Variants in SNED1 observed in about 807,000 individuals in gnomAD.
The protein encoded by SNED1 is sushi, nidogen and EGF like domains 1, also known as sushi, nidogen and EGF-like domain-containing protein 1.
A neutral mutation model predicts 166.7 loss-of-function variants in SNED1; 81 were observed. The ratio of observed to expected loss-of-function variants is 0.49; its 90% confidence interval spans 0.41 to 0.58. SNED1 has a LOEUF of 0.58. Among genes scored for constraint, SNED1 ranks in the 20% least tolerant of loss-of-function variants. The pLI, the probability that SNED1 is intolerant of heterozygous loss-of-function variation, is 0.00. For missense variants in SNED1, 1,604 were observed against 2,000.2 expected (o/e 0.80, Z 3.78); for synonymous variants, 762 against 822.0 (o/e 0.93, Z 1.25).
chr2:241,047,681 A>G (rs762856866), intron 8 of SNED1, among the ~76,000 whole-genome samples: 2 of 152,266 alleles, frequency 1.3e-5, no homozygotes, highest in Non-Finnish European at 2.9e-5. Context: ...CTGACCAGAA[A>G]CGTTTGGAGG....
rs367859288 is a variant in SNED1, at chr2:241,050,975, T to C, written c.1736-769T>C. Among the ~76,000 whole-genome samples, 70 of 152,264 alleles carry C rather than the reference T, an allele frequency of 4.6e-4. No individual in the cohort carries two copies. In the East Asian group the frequency reaches 0.013, roughly 29 times the overall value. On this transcript the variant is annotated intron_variant, in intron 12 of 31. Coordinates refer to ENST00000310397, the MANE Select transcript of SNED1 (RefSeq NM_001080437.3). The stretch of plus-strand genomic sequence containing the variant: ...CTTCCGTGAGCACACAGGCCACCAA[T>C]GTGGACACCTCTGACCCCGGAGGGA...
Position 241,061,856 on chromosome 2 carries a change from A to C in SNED1, c.2258-935A>C, listed in dbSNP as rs1043926154. On this transcript the variant is annotated intron_variant, in intron 16 of 31. Transcript: ENST00000310397. The stretch of plus-strand genomic sequence containing the variant: ...CAACGAGCGAAACTCCATCCCCCCA[A>C]AAAAAAAAAAAGAAAAAAAGAAAAC... Among the ~76,000 whole-genome samples, 9 of 146,920 alleles carry C rather than the reference A, an allele frequency of 6.1e-5. 1 individual carries two copies. The highest frequency in any genetic ancestry group is 7.6e-5 in the Non-Finnish European group (5 of 65,930).
chr2:241,033,307 A>C (rs1205551715), intron 2 of SNED1, among the ~76,000 whole-genome samples: 3 of 152,190 alleles, frequency 2.0e-5, no homozygotes, highest in Non-Finnish European at 4.4e-5. Context: ...TTGCAGTAGA[A>C]TTCTGTGAAA....
At chr2:241,003,259 G>A (rs1304957264) in intron 1 of SNED1, among the ~76,000 whole-genome samples, 1 of 152,164 alleles carries the variant, frequency 6.6e-6, no homozygotes, top group Non-Finnish European at 1.5e-5. Context: ...TGAAGGCAGG[G>A]ACCACATCCA....
chr2:241,046,449 T>C (rs988672136), intron 8 of SNED1, among the ~76,000 whole-genome samples: 3 of 152,226 alleles, frequency 2.0e-5, no homozygotes, highest in Non-Finnish European at 4.4e-5. Flanking sequence ...AACCTCTGTA[T>C]GGTGGAATAC....
chr2:241,087,965 A>G, intron 30 of SNED1: 1 of 402,250 alleles, frequency 2.5e-6, no homozygotes, highest in Admixed American at 4.2e-5. Flanking sequence ...GTCCTCATAG[A>G]CCAATGAGTA....
intron 26 of SNED1, chr2:241,072,578 A>G: frequency 3.7e-6 from 1 of 266,908 alleles, no homozygotes; most frequent in Non-Finnish European, 7.2e-6. Context: ...AAAACTCCTC[A>G]GGCAGAGGAG....
Position 241,087,530 on chromosome 2 carries a change from G to A in SNED1, c.4205+55G>A, listed in dbSNP as rs1559316827. 9 of 1,549,902 alleles carry A rather than the reference G, an allele frequency of 5.8e-6. No homozygotes were observed. The Admixed American group carries it at 7.9e-5, about 14-fold the overall frequency. On this transcript the variant is annotated intron_variant, in intron 30 of 31. Transcript: ENST00000310397. ...TCCTGCATGTAGCCCACAGGGTGATGGGGCAAGGGCGGGGTGCTATGGGAT... is the reference window on the plus strand; with the variant it reads ...TCCTGCATGTAGCCCACAGGGTGATAGGGCAAGGGCGGGGTGCTATGGGAT...
Position 241,082,358 on chromosome 2 carries a change from A to G in SNED1, c.4115A>G (p.His1372Arg), listed in dbSNP as rs2125307170. Residue 1372 changes from histidine (H) to arginine (R), a missense_variant, in exon 29 of 32, where the codon CAC (histidine) becomes CGC (arginine). This residue lies in a region of SNED1 where 367 missense variants were observed against 379.4 expected (regional missense o/e 0.97). Coordinates refer to ENST00000310397, the MANE Select transcript of SNED1 (RefSeq NM_001080437.3). ...AFPVWEGGVC[H>R]HVYKRVYRVH... ...CCAGTCTGGGAGGGAGGCGTCTGTCACCACGTGTAAGTTGGTTTCTGTCCT... is the reference window on the plus strand; with the variant it reads ...CCAGTCTGGGAGGGAGGCGTCTGTCGCCACGTGTAAGTTGGTTTCTGTCCT... 6.2e-7 allele frequency: 1 copy of G among 1,612,694 alleles called. No individual in the cohort carries two copies. The highest frequency in any genetic ancestry group is 2.2e-5 in the East Asian group (1 of 44,850).
intron 1 of SNED1, chr2:241,015,663 C>T (rs529578838): frequency 8.8e-4 from 146 of 166,426 alleles, no homozygotes; most frequent in Non-Finnish European, 1.1e-3. Flanking sequence ...CTGTGCTGGC[C>T]GAGGCCTCCC....
At position 241,093,146 on chromosome 2, in the gene SNED1, G is replaced by A. The variant is rs926074428; in HGVS notation, c.*1510G>A. On this transcript the variant is annotated 3_prime_UTR_variant, in exon 32 of 32. Coordinates refer to ENST00000310397, the MANE Select transcript of SNED1 (RefSeq NM_001080437.3). The stretch of plus-strand genomic sequence containing the variant: ...TTCGCGAAGTTTCACCTGTACTCCC[G>A]AGCTGTTCCCCAGGCTCCAGACCCA... The A allele has an allele frequency of 6.6e-6, 1 of 152,534 alleles. No homozygotes were observed. The highest frequency in any genetic ancestry group is 1.5e-5 in the Non-Finnish European group (1 of 68,042). The allele number at this position is 152,534 out of a possible 1,614,324, so 9.4% of individuals were successfully genotyped here.
At chr2:241,072,119 G>C in intron 26 of SNED1, 1 of 698,110 alleles carries the variant, frequency 1.4e-6, no homozygotes. Context: ...TGGAGGCGCA[G>C]GCTGCTGGTA....
At chr2:241,034,434 G>C in intron 3 of SNED1, 134 bp from the exon 4 acceptor site, 1 of 813,824 alleles carries the variant, frequency 1.2e-6, no homozygotes, top group Non-Finnish European at 1.9e-6. Flanking sequence ...TGGCTCCCAG[G>C]AACGGTTGGC....
At chr2:241,026,249 C>T (rs1197823757) in intron 1 of SNED1, among the ~76,000 whole-genome samples, 3 of 152,104 alleles carry the variant, frequency 2.0e-5, no homozygotes, top group Non-Finnish European at 4.4e-5. Flanking sequence ...AACCCCTGAC[C>T]TCATGATCCA....
Position 241,073,306 on chromosome 2 carries a change from C to A in SNED1, c.3858C>A (p.Ala1286=). The part of the protein sequence containing the change: ...ASAQLENMEE[A]PKRVSLALQL... ...CGCAGCTCGAGAACATGGAGGAAGC[C>A]CCCAAGCGGGTCAGCCTGGCCCTCC... Residue 1286 remains alanine, a synonymous_variant, in exon 27 of 32, where the codon GCC becomes GCA. Coordinates refer to ENST00000310397, the MANE Select transcript of SNED1 (RefSeq NM_001080437.3). The surrounding 1 kb of genome is among the most constrained non-coding windows in gnomAD (Gnocchi z 6.6). 6.4e-7 allele frequency: 1 copy of A among 1,572,164 alleles called. No homozygotes were observed. Among genetic ancestry groups the A allele is most frequent in the East Asian group, 2.4e-5 (1 of 42,320 alleles).
rs2063347440 is a variant in SNED1 at position 241,081,928 on chromosome 2, G to C, written c.4033+135G>C. On this transcript the variant is annotated intron_variant, in intron 28 of 31. Coordinates refer to ENST00000310397, the MANE Select transcript of SNED1 (RefSeq NM_001080437.3). ...GCCAGACAGGGAGTCTGGTGCACGG[G>C]GCTGACCCCTGAGCCCCCAGGGGCT... 4 of 693,500 alleles carry C rather than the reference G, an allele frequency of 5.8e-6. No homozygotes were observed. The Admixed American group carries it at 7.1e-5, about 12-fold the overall frequency. 43.0% of individuals were successfully genotyped at this position (693,500 alleles called of 1,614,324 possible). A position where few individuals can be genotyped will look rare whatever the true frequency, so the allele number is the denominator to read the frequency against.
Position 241,073,600 on chromosome 2 carries a change from C to T in SNED1, c.3916+236C>T. 3.4e-6 allele frequency: 2 copies of T among 586,474 alleles called. No homozygotes were observed. The highest frequency in any genetic ancestry group is 6.1e-6 in the Non-Finnish European group (2 of 326,900). 36.3% of individuals were successfully genotyped at this position (586,474 alleles called of 1,614,324 possible). Reference sequence around the variant, plus strand: ...GGGGGCAGGACCCACCCAAACCACCCAGAGTCTGAGCTAGAGAGACTGGCT... The same window carrying T: ...GGGGGCAGGACCCACCCAAACCACCTAGAGTCTGAGCTAGAGAGACTGGCT... On this transcript the variant is annotated intron_variant, in intron 27 of 31. Coordinates refer to ENST00000310397, the MANE Select transcript of SNED1 (RefSeq NM_001080437.3). The surrounding 1 kb of genome is among the most constrained non-coding windows in gnomAD (Gnocchi z 6.6).
intron 4 of SNED1, 81 bp downstream of exon 4, chr2:241,034,811 G>A (rs1410706211): frequency 7.1e-6 from 10 of 1,413,724 alleles, no homozygotes; most frequent in African/African-American, 2.9e-5. Context: ...GAGACGAAGG[G>A]GGCTGGATGC....
At chr2:241,072,236 G>A (rs1375077567) in intron 26 of SNED1, 4 of 487,536 alleles carry the variant, frequency 8.2e-6, no homozygotes, top group Non-Finnish European at 1.6e-5. Context: ...CCATGGGCAG[G>A]AGGCCATGAG....
Sources: allele counts gnomAD v4.1 joint callset (sites outside exome capture counted in the v4.1 genomes callset), GRCh38; gene constraint gnomAD v4.1.1; regional missense constraint gnomAD v4.1.1; non-coding constraint Gnocchi (gnomAD v3.1); transcripts MANE v1.5; gene names NCBI Gene and HGNC (gene_info 2026-07-23, HGNC 2026-07-21).